Variants in FGGY observed in about 807,000 individuals in gnomAD.
The protein encoded by FGGY is FGGY carbohydrate kinase domain-containing protein.
In FGGY, 72 loss-of-function variants were observed where a neutral mutation model predicts 71.3. The observed-to-expected ratio is 1.01, with a 90% CI of 0.84 to 1.23. FGGY has a LOEUF of 1.23. Among genes scored for constraint, FGGY ranks in the 50% most tolerant of loss-of-function variants. The pLI, the probability that FGGY is intolerant of heterozygous loss-of-function variation, is 0.00. For synonymous variants in FGGY, 251 were observed against 250.3 expected (o/e 1.00, Z -0.02); for missense variants, 668 against 682.3 (o/e 0.98, Z 0.23).
chr1:59,361,117 A>G (rs1248110121), intron 4 of FGGY, among the ~76,000 whole-genome samples: 1 of 152,220 alleles, frequency 6.6e-6, no homozygotes, highest in Non-Finnish European at 1.5e-5. Context: ...TGATGGCTGT[A>G]AAAATGGGTG....
At chr1:59,741,428 T>C (rs1434323008) in intron 14 of FGGY, among the ~76,000 whole-genome samples, 6 of 152,146 alleles carry the variant, frequency 3.9e-5, no homozygotes, top group Admixed American at 1.3e-4. Context: ...TCTGTCATGA[T>C]TGTAAGTTTC....
intron 5 of FGGY, among the ~76,000 whole-genome samples, chr1:59,410,662 G>A (rs2063478172): frequency 6.6e-6 from 1 of 152,174 alleles, no homozygotes; most frequent in Non-Finnish European, 1.5e-5. Flanking sequence ...GGAAGTCTCA[G>A]TTAGGTGCCA....
intron 7 of FGGY, among the ~76,000 whole-genome samples, chr1:59,540,422 A>G (rs1267651513): frequency 2.0e-5 from 3 of 152,236 alleles, no homozygotes; most frequent in Non-Finnish European, 4.4e-5. Flanking sequence ...AAATATTGCT[A>G]CATGCAGCAG....
chr1:59,657,755 T>C (rs779696241), intron 11 of FGGY, among the ~76,000 whole-genome samples: 2 of 152,240 alleles, frequency 1.3e-5, no homozygotes, highest in Non-Finnish European at 2.9e-5. Context: ...ACAAAGGCTC[T>C]ATATGAGGTA....
At chr1:59,397,587 T>C (rs886927823) in intron 5 of FGGY, among the ~76,000 whole-genome samples, 1 of 152,150 alleles carries the variant, frequency 6.6e-6, no homozygotes, top group South Asian at 2.1e-4. Context: ...GAAGGCTTTT[T>C]TTTGCAGACA....
intron 5 of FGGY, among the ~76,000 whole-genome samples, chr1:59,446,115 C>CT (rs1466887812): frequency 6.6e-6 from 1 of 152,222 alleles, no homozygotes; most frequent in Non-Finnish European, 1.5e-5. Flanking sequence ...GTTTTCTTTA[C>CT]TTTCCTGCTT....
chr1:59,558,195 G>A (rs913270558), intron 8 of FGGY, among the ~76,000 whole-genome samples: 1 of 152,066 alleles, frequency 6.6e-6, no homozygotes, highest in Non-Finnish European at 1.5e-5. Flanking sequence ...ACTGTACCTG[G>A]CACAAAATAC....
intron 5 of FGGY, among the ~76,000 whole-genome samples, chr1:59,404,441 A>T (rs1275668772): frequency 6.6e-6 from 1 of 152,206 alleles, no homozygotes; most frequent in Non-Finnish European, 1.5e-5. Context: ...GGAAAAATAG[A>T]CTACTAAATA....
At chr1:59,714,951 G>A (rs2097832444) in intron 14 of FGGY, among the ~76,000 whole-genome samples, 1 of 152,236 alleles carries the variant, frequency 6.6e-6, no homozygotes, top group Non-Finnish European at 1.5e-5. Flanking sequence ...TCATACTTCC[G>A]AGGCCTTCAA....
intron 6 of FGGY, among the ~76,000 whole-genome samples, chr1:59,463,787 A>C (rs2092426465): frequency 6.6e-6 from 1 of 152,238 alleles, no homozygotes. Context: ...CATAATGGTA[A>C]AGGGATCAAT....
chr1:59,543,593 T>A (rs2095478080), intron 7 of FGGY, among the ~76,000 whole-genome samples: 1 of 152,230 alleles, frequency 6.6e-6, no homozygotes, highest in African/African-American at 2.4e-5. Flanking sequence ...CTTTGGAAGT[T>A]TCTGTTGCAA....
chr1:59,407,167 G>T (rs1228001356), intron 5 of FGGY, among the ~76,000 whole-genome samples: 1 of 152,204 alleles, frequency 6.6e-6, no homozygotes, highest in Non-Finnish European at 1.5e-5. Context: ...TCTGTCATCG[G>T]CTGGTTGGTC....
intron 6 of FGGY, among the ~76,000 whole-genome samples, chr1:59,467,998 G>T (rs1042051311): frequency 2.0e-5 from 3 of 151,982 alleles, no homozygotes; most frequent in Admixed American, 6.6e-5. Context: ...CTGCCTCCCG[G>T]TTTCAAGTGG....
intron 4 of FGGY, among the ~76,000 whole-genome samples, chr1:59,349,228 C>A (rs1370618785): frequency 6.6e-6 from 1 of 152,144 alleles, no homozygotes; most frequent in Non-Finnish European, 1.5e-5. Flanking sequence ...GTAGTAAAAT[C>A]CCTCTGTGAA....
At chr1:59,374,821 C>T (rs1359253055) in intron 4 of FGGY, among the ~76,000 whole-genome samples, 1 of 148,476 alleles carries the variant, frequency 6.7e-6, no homozygotes, top group African/African-American at 2.5e-5. Context: ...AAAAACCAAA[C>T]ACCGCATATT....
At position 59,546,874 on chromosome 1, in the gene FGGY, G is replaced by A. The variant is rs926848878; in HGVS notation, c.800-7250G>A. On this transcript the variant is annotated intron_variant, in intron 7 of 15. Coordinates refer to ENST00000303721, the MANE Select transcript of FGGY (RefSeq NM_018291.5). ...AAAAGTAAACCTACTTTAGGATTTA[G>A]TTGGGGTAAGTTCTAGACCACATTT... Among the ~76,000 whole-genome samples, 77 of 150,772 alleles carry A rather than the reference G, an allele frequency of 5.1e-4. 1 individual carries two copies. Among genetic ancestry groups the A allele is most frequent in the Non-Finnish European group, 1.5e-4 (10 of 67,748 alleles).
intron 4 of FGGY, among the ~76,000 whole-genome samples, chr1:59,372,412 A>G (rs1252228671): frequency 6.6e-6 from 1 of 152,236 alleles, no homozygotes; most frequent in East Asian, 1.9e-4. Context: ...TTGTGGCAAT[A>G]ATTAATAGCT....
chr1:59,664,442 G>A (rs1184518516), intron 12 of FGGY, among the ~76,000 whole-genome samples: 2 of 152,176 alleles, frequency 1.3e-5, no homozygotes, highest in Non-Finnish European at 2.9e-5. Flanking sequence ...CCTCTCATTC[G>A]GATCATTTCT....
chr1:59,334,152 A>AT (rs879269068), intron 2 of FGGY, among the ~76,000 whole-genome samples: 19 of 151,624 alleles, frequency 1.3e-4, no homozygotes, highest in East Asian at 5.8e-4. Context: ...ATTTTGTTTT[A>AT]TTTTTTTTGA....
Sources: gnomAD v4.1 joint callset for allele counts (sites outside exome capture counted in the v4.1 genomes callset) on GRCh38, gnomAD v4.1.1 for gene constraint, MANE v1.5 for transcripts, NCBI Gene and HGNC (gene_info 2026-07-23, HGNC 2026-07-21) for gene names.